Variants in UNK observed in about 807,000 individuals in gnomAD.
UNK encodes the protein RING finger protein unkempt homolog.
A neutral mutation model predicts 97.6 loss-of-function variants in UNK; 32 were observed. The ratio of observed to expected loss-of-function variants is 0.33; its 90% CI spans 0.25 to 0.44. The LOEUF (loss-of-function observed/expected upper bound fraction) is 0.44. UNK is among the 20% of genes least tolerant of loss of function. UNK has a pLI of 1.00. For synonymous variants in UNK, 441 were observed against 461.2 expected (o/e 0.96, Z 0.56); for missense variants, 771 against 1,098.4 (o/e 0.70, Z 4.21).
chr17:75,789,481 C>T (rs576210610), intron 1 of UNK, among the ~76,000 whole-genome samples: 7 of 152,082 alleles, frequency 4.6e-5, no homozygotes, highest in African/African-American at 9.6e-5. Context: ...GGAGTACAGG[C>T]GCCCGCCACC....
chr17:75,790,669 G>A (rs1357734177), intron 1 of UNK, among the ~76,000 whole-genome samples: 2 of 151,842 alleles, frequency 1.3e-5, no homozygotes, highest in South Asian at 2.1e-4. Context: ...GGTGGCTCAC[G>A]CCTGTAATCT....
At position 75,824,253 on chromosome 17, in the gene UNK, T is replaced by TC; in HGVS notation, c.2278-6dup. Reference sequence around the variant, plus strand: ...ATGGATGGTGACCACGATGCCCCTTTCCCTGCAGGCCGTGTTCCACATGCA... The same window carrying TC: ...ATGGATGGTGACCACGATGCCCCTTTCCCCTGCAGGCCGTGTTCCACATGCA... On this transcript the variant is annotated splice_polypyrimidine_tract_variant and intron_variant, in intron 15 of 15. Coordinates refer to ENST00000589666, the MANE Select transcript of UNK (RefSeq NM_001080419.3). The surrounding 1 kb of genome is among the most constrained non-coding windows in gnomAD (Gnocchi z 4.9). 1 of 1,581,380 alleles carries TC rather than the reference T, an allele frequency of 6.3e-7. No individual in the cohort carries two copies. Among genetic ancestry groups the TC allele is most frequent in the Non-Finnish European group, 8.6e-7 (1 of 1,162,724 alleles).
intron 1 of UNK, among the ~76,000 whole-genome samples, chr17:75,804,105 T>C (rs2061888496): frequency 6.6e-6 from 1 of 152,248 alleles, no homozygotes; most frequent in South Asian, 2.1e-4. Flanking sequence ...ATGCAGGCTA[T>C]AGTTCTATCA....
chr17:75,790,937 C>A (rs998447026), intron 1 of UNK, among the ~76,000 whole-genome samples: 1 of 151,940 alleles, frequency 6.6e-6, no homozygotes, highest in Admixed American at 6.6e-5. Flanking sequence ...GAGACTCTGG[C>A]TTGAAAAAAA....
Position 75,818,432 on chromosome 17 carries a change from G to A in UNK, c.1372-210G>A, listed in dbSNP as rs564819184. On this transcript the variant is annotated intron_variant, in intron 10 of 15. Coordinates refer to ENST00000589666, the MANE Select transcript of UNK (RefSeq NM_001080419.3). This position sits in a 1 kb window ranked among gnomAD's most constrained non-coding sequence, Gnocchi z 5.1. Reference sequence around the variant, plus strand: ...CTTCTCTCTTCCCTGCTACAGGACTGTAGGGGCGAATGGGCCTGGCAGCCT... The same window carrying A: ...CTTCTCTCTTCCCTGCTACAGGACTATAGGGGCGAATGGGCCTGGCAGCCT... 1.3e-5 allele frequency among the ~76,000 whole-genome samples: 2 copies of A among 152,324 alleles called. No individual in the cohort carries two copies. Among genetic ancestry groups the A allele is most frequent in the South Asian group, 4.1e-4 (2 of 4,832 alleles).
chr17:75,804,226 G>A (rs548608804), intron 1 of UNK, among the ~76,000 whole-genome samples: 1 of 152,308 alleles, frequency 6.6e-6, no homozygotes, highest in Admixed American at 6.5e-5. Context: ...GGCAAAGGTG[G>A]GTAGATCACT....
chr17:75,814,856 C>T (rs35103294), intron 6 of UNK, among the ~76,000 whole-genome samples: 79,309 of 152,084 alleles, frequency 0.52, 23,296 homozygotes, highest in Admixed American at 0.67. Flanking sequence ...TCCCTTAATG[C>T]CCAGGAGGCA....
At chr17:75,815,677 A>G (rs996832583) in intron 7 of UNK, among the ~76,000 whole-genome samples, 5 of 152,228 alleles carry the variant, frequency 3.3e-5, no homozygotes, top group South Asian at 4.1e-4. Context: ...TGCAATCCCC[A>G]TATGTCATTT....
At chr17:75,811,401 C>T (rs992675732) in intron 2 of UNK, among the ~76,000 whole-genome samples, 12 of 152,320 alleles carry the variant, frequency 7.9e-5, no homozygotes, top group South Asian at 2.1e-4. Context: ...ACTGGCCCAG[C>T]CTAGCACCTC....
In UNK at chr17:75,818,153, G is replaced by C. The variant is rs774732325; in HGVS notation, c.1356G>C (p.Leu452=). The change falls in exon 10 of 16, where the codon CTG becomes CTC. Residue 452 remains leucine (L), a synonymous_variant. Coordinates refer to ENST00000589666, the MANE Select transcript of UNK (RefSeq NM_001080419.3). This position sits in a 1 kb window ranked among gnomAD's most constrained non-coding sequence, Gnocchi z 5.1. The part of the protein sequence containing the change: ...SLEPRSQEQP[L]LQPKQDMLGI... ...AGCCCAGGAGTCAAGAGCAGCCTCT[G>C]CTTCAGCCCAAACAGGTATAGAGCT... 3.0e-5 allele frequency: 48 copies of C among 1,613,514 alleles called. No individual in the cohort carries two copies. The highest frequency in any genetic ancestry group is 3.7e-5 in the Non-Finnish European group (44 of 1,179,776).
rs758143937 is a variant in UNK, at chr17:75,812,594, A to G, written c.622+9A>G. Reference sequence around the variant, plus strand: ...GGAGCCTCGGTGGCAAGGTACAGGCATCCACACCTCGGCCGCGCCCTCCCT... The same window carrying G: ...GGAGCCTCGGTGGCAAGGTACAGGCGTCCACACCTCGGCCGCGCCCTCCCT... On this transcript the variant is annotated intron_variant, in intron 4 of 15. Coordinates refer to ENST00000589666, the MANE Select transcript of UNK (RefSeq NM_001080419.3). 43 of 1,611,966 alleles carry G rather than the reference A, an allele frequency of 2.7e-5. No homozygotes were observed. Among genetic ancestry groups the G allele is most frequent in the Admixed American group, 3.3e-5 (2 of 59,886 alleles).
At chr17:75,815,607 G>T (rs1022782496) in intron 7 of UNK, among the ~76,000 whole-genome samples, 1 of 152,218 alleles carries the variant, frequency 6.6e-6, no homozygotes. Flanking sequence ...GGAACATGGA[G>T]CTCTTCTCTG....
chr17:75,799,318 C>G (rs1157284100), intron 1 of UNK, among the ~76,000 whole-genome samples: 2 of 152,084 alleles, frequency 1.3e-5, no homozygotes, highest in Non-Finnish European at 2.9e-5. Flanking sequence ...AAAAGTTAAT[C>G]TGTAATGGTC....
At chr17:75,806,401 G>A (rs2061917250) in intron 1 of UNK, among the ~76,000 whole-genome samples, 1 of 150,132 alleles carries the variant, frequency 6.7e-6, no homozygotes, top group Non-Finnish European at 1.5e-5. Flanking sequence ...AGAGGTTGCG[G>A]TGAGTGAGCC....
At chr17:75,812,707 A>C in intron 4 of UNK, 122 bp downstream of exon 4, 1 of 1,388,670 alleles carries the variant, frequency 7.2e-7, no homozygotes, top group Non-Finnish European at 9.5e-7. Flanking sequence ...CCCGCATCCC[A>C]CCCTACACCC....
At chr17:75,786,017 AGGAGGAACTCTTGTT>A (rs2061707267) in intron 1 of UNK, 2 of 152,366 alleles carry the variant, frequency 1.3e-5, no homozygotes, top group South Asian at 4.1e-4. Context: ...CAAACCAGTC[AGGAGGAACTCTTGTT>A]ATAGAAGACC....
At chr17:75,791,489 G>A (rs750808872) in intron 1 of UNK, among the ~76,000 whole-genome samples, 2 of 152,200 alleles carry the variant, frequency 1.3e-5, no homozygotes, top group African/African-American at 2.4e-5. Context: ...CATTGGAAGC[G>A]TTGCTGAGCA....
intron 13 of UNK, among the ~76,000 whole-genome samples, chr17:75,821,052 G>GT (rs35420891): frequency 0.72 from 106,224 of 147,348 alleles, 39,464 homozygotes; most frequent in South Asian, 0.9. Context: ...GATAGGATCT[G>GT]TTTTTTTTTT....
rs1013788738 is a variant in UNK at position 75,819,685 on chromosome 17, G to A, written c.1548G>A (p.Glu516=). The A allele has an allele frequency of 6.8e-6, 11 of 1,613,730 alleles. No individual in the cohort carries two copies. Among genetic ancestry groups the A allele is most frequent in the African/African-American group, 1.3e-5 (1 of 74,942 alleles). ...PTSDTVESVI[E]SALDDLDLNE... ...CATCCCACTCTTCTCTGTCCCTAGA[G>A]TCTGCTTTGGATGACCTGGACCTGA... is the stretch of plus-strand genomic sequence containing the variant. Residue 516 remains glutamate (E), a splice_region_variant and synonymous_variant, in exon 12 of 16, where the codon GAG becomes GAA. Transcript: ENST00000589666. The surrounding 1 kb of genome is among the most constrained non-coding windows in gnomAD (Gnocchi z 5.4).
Sources: allele counts gnomAD v4.1 joint callset (sites outside exome capture counted in the v4.1 genomes callset), GRCh38; gene constraint gnomAD v4.1.1; non-coding constraint Gnocchi (gnomAD v3.1); transcripts MANE v1.5; gene names NCBI Gene and HGNC (gene_info 2026-07-23, HGNC 2026-07-21).